Variants in STYK1 observed in about 807,000 individuals in gnomAD.
STYK1 encodes STY kinase 1.
In STYK1, 46 loss-of-function variants were observed where a neutral mutation model predicts 48.1. That is an observed-to-expected ratio of 0.96 (90% CI 0.75 to 1.22). STYK1 has a LOEUF of 1.22. Ranked by LOEUF, STYK1 falls within the 50% of genes most tolerant of loss-of-function variation. The pLI is 0.00. For missense variants in STYK1, 527 were observed against 521.1 expected, an observed-to-expected ratio of 1.01 and a Z score of -0.11; for synonymous variants, 188 against 189.0, an observed-to-expected ratio of 0.99 and a Z score of 0.04.
chr12:10,663,731 G>T, intron 1 of STYK1, among the ~76,000 whole-genome samples: 1 of 121,788 alleles, frequency 8.2e-6, no homozygotes. Context: ...GAATCACTTT[G>T]ACCATTTCGG....
chr12:10,668,539 CTTTTTTTTTTTTTTT>C (rs55897413), intron 1 of STYK1, among the ~76,000 whole-genome samples: 1,658 of 46,582 alleles, frequency 0.036, 78 homozygotes, highest in African/African-American at 0.12. Context: ...CCACACCTGG[CTTTTTTTTTTTTTTT>C]TTTTTTTTTT....
Position 10,634,128 on chromosome 12 carries a change from G to A in STYK1, c.53-4C>T, listed in dbSNP as rs773448342. 1 of 1,599,890 alleles carries A rather than the reference G, an allele frequency of 6.3e-7. No individual in the cohort carries two copies. Among genetic ancestry groups the A allele is most frequent in the Admixed American group, 1.7e-5 (1 of 57,652 alleles). On this transcript the variant is annotated splice_region_variant and splice_polypyrimidine_tract_variant and intron_variant, in intron 3 of 10. Coordinates refer to ENST00000075503, the MANE Select transcript of STYK1 (RefSeq NM_018423.3). The stretch of plus-strand genomic sequence containing the variant: ...TCATACTGCTTCTCCTGGATGACTG[G>A]GTAGGCGATCACACAGGAAGAGAAG...
At chr12:10,655,587 C>A (rs1285656295) in intron 1 of STYK1, among the ~76,000 whole-genome samples, 1 of 152,194 alleles carries the variant, frequency 6.6e-6, no homozygotes, top group Non-Finnish European at 1.5e-5. Context: ...CCCCTCCCCC[C>A]ATGAACAACT....
chr12:10,651,656 C>G (rs988425868), intron 1 of STYK1, among the ~76,000 whole-genome samples: 3 of 152,104 alleles, frequency 2.0e-5, no homozygotes, highest in African/African-American at 7.2e-5. Context: ...CATTGTTGAA[C>G]GACCTCACCT....
chr12:10,638,158 G>A (rs1947506345), intron 1 of STYK1, among the ~76,000 whole-genome samples: 1 of 152,162 alleles, frequency 6.6e-6, no homozygotes. Context: ...ATTTCATTCT[G>A]ATAAATATGT....
intron 1 of STYK1, among the ~76,000 whole-genome samples, chr12:10,651,363 A>C (rs1947660955): frequency 6.6e-6 from 1 of 152,168 alleles, no homozygotes; most frequent in Non-Finnish European, 1.5e-5. Context: ...TCTGAAATCC[A>C]GTATACCCAC....
chr12:10,642,700 C>T (rs1947558529), intron 1 of STYK1, among the ~76,000 whole-genome samples: 2 of 152,112 alleles, frequency 1.3e-5, no homozygotes, highest in Non-Finnish European at 2.9e-5. Flanking sequence ...GGATTTAAAA[C>T]TTTTTATACT....
intron 1 of STYK1, among the ~76,000 whole-genome samples, chr12:10,649,109 TATTTA>T (rs753669168): frequency 2.6e-5 from 4 of 152,172 alleles, no homozygotes; most frequent in Non-Finnish European, 5.9e-5. Flanking sequence ...CTGTGACCCT[TATTTA>T]ATTTTTTTGA....
chr12:10,629,915 TAGAG>T (rs777598383), intron 5 of STYK1, among the ~76,000 whole-genome samples: 1 of 152,186 alleles, frequency 6.6e-6, no homozygotes, highest in African/African-American at 2.4e-5. Context: ...TCTGCCTAAA[TAGAG>T]AGATAGTCTG....
intron 1 of STYK1, among the ~76,000 whole-genome samples, chr12:10,656,162 G>T (rs982047567): frequency 2.6e-5 from 4 of 152,156 alleles, no homozygotes; most frequent in African/African-American, 7.2e-5. Flanking sequence ...CCCTGCACAA[G>T]CTCTCTCTCT....
intron 1 of STYK1, among the ~76,000 whole-genome samples, chr12:10,660,937 C>T (rs1591702716): frequency 6.6e-6 from 1 of 152,144 alleles, no homozygotes; most frequent in African/African-American, 2.4e-5. Context: ...TAAATATACT[C>T]AGTCAAGTAA....
At chr12:10,650,988 G>C (rs547425125) in intron 1 of STYK1, among the ~76,000 whole-genome samples, 2 of 141,442 alleles carry the variant, frequency 1.4e-5, no homozygotes, top group South Asian at 4.7e-4. Flanking sequence ...CTGGGTGACA[G>C]AGCGAGACTC....
chr12:10,661,291 T>G (rs994379485), intron 1 of STYK1, among the ~76,000 whole-genome samples: 1 of 152,184 alleles, frequency 6.6e-6, no homozygotes, highest in Non-Finnish European at 1.5e-5. Context: ...CTCCTCCATA[T>G]GTCCCCTCTA....
At chr12:10,655,885 C>A (rs549974765) in intron 1 of STYK1, among the ~76,000 whole-genome samples, 4 of 152,104 alleles carry the variant, frequency 2.6e-5, no homozygotes, top group African/African-American at 9.7e-5. Flanking sequence ...ATGAGCTATA[C>A]GTATATTTAA....
chr12:10,642,058 C>T (rs1249687733), intron 1 of STYK1, among the ~76,000 whole-genome samples: 4 of 152,226 alleles, frequency 2.6e-5, no homozygotes, highest in African/African-American at 9.7e-5. Context: ...TAATAAAGAA[C>T]TGCAGAGAGC....
At chr12:10,645,229 T>G (rs1266973366) in intron 1 of STYK1, among the ~76,000 whole-genome samples, 1 of 152,118 alleles carries the variant, frequency 6.6e-6, no homozygotes, top group Non-Finnish European at 1.5e-5. Context: ...ATAGAAAGAA[T>G]AGCTATAGTG....
chr12:10,649,171 G>A (rs1947632528), intron 1 of STYK1, among the ~76,000 whole-genome samples: 1 of 152,042 alleles, frequency 6.6e-6, no homozygotes, highest in Non-Finnish European at 1.5e-5. Flanking sequence ...TGGACTTGAA[G>A]GAGGAGAAAT....
At chr12:10,648,822 C>G (rs1444922927) in intron 1 of STYK1, among the ~76,000 whole-genome samples, 3 of 152,156 alleles carry the variant, frequency 2.0e-5, no homozygotes, top group Admixed American at 1.3e-4. Flanking sequence ...CACCCTCAGC[C>G]TCCCAAAGTG....
intron 3 of STYK1, 80 bp downstream of exon 3, chr12:10,634,487 C>T (rs539872752): frequency 6.9e-7 from 1 of 1,444,684 alleles, no homozygotes; most frequent in African/African-American, 1.4e-5. Flanking sequence ...ATCAAATCAT[C>T]CTCCTTCTAG....
Sources: allele counts gnomAD v4.1 joint callset (sites outside exome capture counted in the v4.1 genomes callset), GRCh38; gene constraint gnomAD v4.1.1; transcripts MANE v1.5; gene names NCBI Gene and HGNC (gene_info 2026-07-23, HGNC 2026-07-21).